The following OR52N2 variants were observed in gnomAD, a reference collection of about 807,000 sequenced individuals.
OR52N2 encodes olfactory receptor 52N2.
For missense variants in OR52N2, 326 were observed against 196.6 expected, an observed-to-expected ratio of 1.66 and a Z score of -3.94; for synonymous variants, 129 against 72.0, an observed-to-expected ratio of 1.79 and a Z score of -4.01.
At position 5,820,471 on chromosome 11, in the gene OR52N2, G is replaced by A. The variant is rs73394370; in HGVS notation, c.136G>A (p.Gly46Arg). 40,575 of 779,544 alleles carry A rather than the reference G, an allele frequency of 0.052. 1,299 individuals are homozygous for A. The highest frequency in any genetic ancestry group is 0.078 in the African/African-American group (4,590 of 59,146). The allele number at this position is 779,544 out of a possible 1,614,324, so 48.3% of individuals were successfully genotyped here. A position where few individuals can be genotyped will look rare whatever the true frequency, so the allele number is the denominator to read the frequency against. ...CATCATTGCTGTCGTGGGGAACTGTGGGCTCATCTGCCTCATCAGCCATGA... is the reference window on the plus strand; with the variant it reads ...CATCATTGCTGTCGTGGGGAACTGTAGGCTCATCTGCCTCATCAGCCATGA... ...MYIIAVVGNC[G>R]LICLISHEEA... is the part of the protein sequence containing the mutation. The change falls in exon 2 of 2, where the codon GGG becomes AGG. Residue 46 changes from glycine to arginine, a missense_variant. Transcript: ENST00000317037.
chr11:5,820,596 C>T lies in OR52N2; in HGVS notation c.261C>T (p.Phe87=), dbSNP rs778131173. ...TTMVPNMLCI[F]WFNLKEIDFN... is the part of the protein sequence containing the mutation. The stretch of plus-strand genomic sequence containing the variant: ...TGGTACCTAATATGCTGTGCATATT[C>T]TGGTTCAACCTCAAGGAGATTGACT... The change falls in exon 2 of 2, where the codon TTC becomes TTT. Residue 87 remains phenylalanine (F), a synonymous_variant. Coordinates refer to ENST00000317037, the MANE Select transcript of OR52N2 (RefSeq NM_001005174.3). 7.7e-6 allele frequency: 6 copies of T among 781,862 alleles called. No homozygotes were observed. Among genetic ancestry groups the T allele is most frequent in the Non-Finnish European group, 1.4e-5 (6 of 419,022 alleles). 48.4% of individuals were successfully genotyped at this position (781,862 alleles called of 1,614,324 possible). A position where few individuals can be genotyped will look rare whatever the true frequency, so the allele number is the denominator to read the frequency against.
intron 1 of OR52N2, among the ~76,000 whole-genome samples, chr11:5,810,237 G>T (rs189432490): frequency 6.6e-6 from 1 of 152,326 alleles, no homozygotes; most frequent in Admixed American, 6.5e-5. Flanking sequence ...CTAGGGACTG[G>T]ATGAGCAAGC....
rs1668669621 is a variant in OR52N2, at chr11:5,821,379, G to T, written c.*78G>T. Reference sequence around the variant, plus strand: ...TTTCATAAAAGATGTGAATAAAATGGTATTAAAATCATGACATGTAATTTA... The same window carrying T: ...TTTCATAAAAGATGTGAATAAAATGTTATTAAAATCATGACATGTAATTTA... On this transcript the variant is annotated 3_prime_UTR_variant, in exon 2 of 2. Coordinates refer to ENST00000317037, the MANE Select transcript of OR52N2 (RefSeq NM_001005174.3). 4 of 659,172 alleles carry T rather than the reference G, an allele frequency of 6.1e-6. No individual in the cohort carries two copies. Among genetic ancestry groups the T allele is most frequent in the Non-Finnish European group, 5.5e-6 (2 of 366,682 alleles). The allele number at this position is 659,172 out of a possible 1,614,324, so 40.8% of individuals were successfully genotyped here. A position where few individuals can be genotyped will look rare whatever the true frequency, so the allele number is the denominator to read the frequency against.
intron 1 of OR52N2, among the ~76,000 whole-genome samples, chr11:5,812,165 ACATTC>A (rs138740223): frequency 0.24 from 36,941 of 151,738 alleles, 4,452 homozygotes; most frequent in Middle Eastern, 0.3. Context: ...ACAAACCTGC[ACATTC>A]TGCACACGTA....
At chr11:5,815,360 T>C (rs1316407174) in intron 1 of OR52N2, among the ~76,000 whole-genome samples, 1 of 151,996 alleles carries the variant, frequency 6.6e-6, no homozygotes, top group Non-Finnish European at 1.5e-5. Flanking sequence ...AAAATATATA[T>C]AGAGCTCCTA....
rs762369981 is a variant in OR52N2 at position 5,821,172 on chromosome 11, G to C, written c.837G>C (p.Val279=). 17 of 780,782 alleles carry C rather than the reference G, an allele frequency of 2.2e-5. No homozygotes were observed. The highest frequency in any genetic ancestry group is 1.2e-4 in the Admixed American group (7 of 59,012). The allele number at this position is 780,782 out of a possible 1,614,324, so 48.4% of individuals were successfully genotyped here. Residue 279 remains valine (V), a synonymous_variant, in exon 2 of 2, where the codon GTG becomes GTC. Transcript: ENST00000317037. ...HNIPNHIHII[V]ANLYLLLPPT... ...TCCCAAACCACATACACATCATCGT[G>C]GCCAACCTTTATCTGCTACTGCCTC...
At chr11:5,813,542 C>CA (rs1278809969) in intron 1 of OR52N2, among the ~76,000 whole-genome samples, 5 of 151,636 alleles carry the variant, frequency 3.3e-5, no homozygotes, top group South Asian at 4.2e-4. Flanking sequence ...AATCTCCCAT[C>CA]AAAAAAAATA....
intron 1 of OR52N2, among the ~76,000 whole-genome samples, chr11:5,809,617 CAG>C (rs747348222): frequency 1.5e-4 from 21 of 143,188 alleles, no homozygotes; most frequent in Non-Finnish European, 2.4e-4. Context: ...AAGAGGAACT[CAG>C]AGAAAATTAT....
At chr11:5,819,359 T>C (rs1846428096) in intron 1 of OR52N2, among the ~76,000 whole-genome samples, 1 of 152,220 alleles carries the variant, frequency 6.6e-6, no homozygotes, top group African/African-American at 2.4e-5. Context: ...ATTGACTTCC[T>C]TTCAGTTATA....
chr11:5,820,221 T>C, intron 1 of OR52N2, 61 bp from the exon 2 acceptor site: 1 of 672,768 alleles, frequency 1.5e-6, no homozygotes, highest in Non-Finnish European at 2.7e-6. Context: ...GCACTTGAGG[T>C]TCACTTTGTC....
At chr11:5,813,113 AT>A (rs1412350262) in intron 1 of OR52N2, among the ~76,000 whole-genome samples, 6 of 151,968 alleles carry the variant, frequency 3.9e-5, no homozygotes, top group South Asian at 2.1e-4. Flanking sequence ...CATCAAAAAA[AT>A]AATAAAGATC....
Position 5,821,218 on chromosome 11 carries a change from T to G in OR52N2, c.883T>G (p.Tyr295Asp), listed in dbSNP as rs1256643638. 4 of 781,016 alleles carry G rather than the reference T, an allele frequency of 5.1e-6. No homozygotes were observed. The highest frequency in any genetic ancestry group is 9.6e-6 in the Non-Finnish European group (4 of 418,104). 48.4% of individuals were successfully genotyped at this position (781,016 alleles called of 1,614,324 possible). A position where few individuals can be genotyped will look rare whatever the true frequency, so the allele number is the denominator to read the frequency against. ...GCCTCCTACCATGAACCCAATTGTT[T>G]ATGGAGTCAAGACCAAGCAGATTCA... is the stretch of plus-strand genomic sequence containing the variant. ...LLPPTMNPIV[Y>D]GVKTKQIQEG... is the part of the protein sequence containing the mutation. Residue 295 changes from tyrosine to aspartate, a missense_variant, in exon 2 of 2, where the codon TAT (tyrosine) becomes GAT (aspartate). Physicochemically the swap from Tyr to Asp is radical, Grantham distance 160. Transcript: ENST00000317037.
intron 1 of OR52N2, among the ~76,000 whole-genome samples, chr11:5,818,700 G>A (rs975326285): frequency 1.3e-5 from 2 of 152,050 alleles, no homozygotes; most frequent in South Asian, 2.1e-4. Context: ...AGAGGTAATG[G>A]CTCTTTTTCT....
Position 5,817,880 on chromosome 11 carries a change from A to G in OR52N2, c.-54-2402A>G, listed in dbSNP as rs776946296. On this transcript the variant is annotated intron_variant, in intron 1 of 1. Coordinates refer to ENST00000317037, the MANE Select transcript of OR52N2 (RefSeq NM_001005174.3). The stretch of plus-strand genomic sequence containing the variant: ...TTGGAAACAAATATTCAAGAGTAAT[A>G]AAACACATGATTAAATTTGGTACAG... Among the ~76,000 whole-genome samples, 4 of 152,210 alleles carry G rather than the reference A, an allele frequency of 2.6e-5. No individual in the cohort carries two copies. The South Asian group carries it at 8.3e-4, about 32-fold the overall frequency.
At chr11:5,819,564 T>G (rs1846429502) in intron 1 of OR52N2, among the ~76,000 whole-genome samples, 1 of 152,230 alleles carries the variant, frequency 6.6e-6, no homozygotes, top group South Asian at 2.1e-4. Flanking sequence ...GTTAATGATT[T>G]AGAATTGTAA....
chr11:5,809,261 G>C (rs1846332909), intron 1 of OR52N2, among the ~76,000 whole-genome samples: 1 of 152,190 alleles, frequency 6.6e-6, no homozygotes, highest in Admixed American at 6.5e-5. Flanking sequence ...CACAGGGAAG[G>C]AAGGAGAGCA....
At chr11:5,817,841 T>G (rs1372691352) in intron 1 of OR52N2, among the ~76,000 whole-genome samples, 2 of 152,180 alleles carry the variant, frequency 1.3e-5, no homozygotes, top group African/African-American at 2.4e-5. Flanking sequence ...AGGAATTATA[T>G]TTGATAGAAA....
At chr11:5,813,307 A>G (rs1846378374) in intron 1 of OR52N2, among the ~76,000 whole-genome samples, 1 of 152,126 alleles carries the variant, frequency 6.6e-6, no homozygotes, top group South Asian at 2.1e-4. Flanking sequence ...AACTGAATCC[A>G]AAGAAATCCA....
At chr11:5,816,786 G>C (rs888341912) in intron 1 of OR52N2, among the ~76,000 whole-genome samples, 3 of 152,130 alleles carry the variant, frequency 2.0e-5, no homozygotes, top group Non-Finnish European at 4.4e-5. Flanking sequence ...AAAGTGCTGG[G>C]ATTATAGGTG....
Sources: allele counts gnomAD v4.1 joint callset (sites outside exome capture counted in the v4.1 genomes callset), GRCh38; gene constraint gnomAD v4.1.1; transcripts MANE v1.5; gene names NCBI Gene and HGNC (gene_info 2026-07-23, HGNC 2026-07-21).